Variants in CELF4 observed in about 807,000 individuals in gnomAD.
CELF4 encodes the protein CUG-BP- and ETR-3-like factor 4.
A neutral mutation model predicts 59.9 loss-of-function variants in CELF4; 18 were observed. That is an observed-to-expected ratio of 0.30 (90% confidence interval 0.21 to 0.45). CELF4 has a LOEUF of 0.45. CELF4 is among the 20% of genes least tolerant of loss of function. The pLI is 1.00. For missense variants in CELF4, 456 were observed against 689.0 expected (o/e 0.66, Z 3.79); for synonymous variants, 261 against 267.1 (o/e 0.98, Z 0.22).
At chr18:37,376,835 T>G (rs1045510438) in intron 2 of CELF4, among the ~76,000 whole-genome samples, 2 of 152,330 alleles carry the variant, frequency 1.3e-5, no homozygotes, top group Admixed American at 1.3e-4. Flanking sequence ...GTGGATGAAT[T>G]CTGCAATGTG....
At chr18:37,524,020 C>T (rs1037003908) in intron 1 of CELF4, among the ~76,000 whole-genome samples, 1 of 152,176 alleles carries the variant, frequency 6.6e-6, no homozygotes, top group Non-Finnish European at 1.5e-5. Flanking sequence ...GCCTGGGTGC[C>T]GTGGATATCC....
intron 2 of CELF4, among the ~76,000 whole-genome samples, chr18:37,450,638 C>T (rs574631856): frequency 5.3e-5 from 8 of 152,116 alleles, no homozygotes; most frequent in Non-Finnish European, 1.2e-4. Flanking sequence ...GAATGTTGCC[C>T]TCCCTATCTT....
intron 1 of CELF4, among the ~76,000 whole-genome samples, chr18:37,537,054 C>G (rs1016978382): frequency 6.6e-6 from 1 of 152,218 alleles, no homozygotes; most frequent in African/African-American, 2.4e-5. Context: ...CTGGCTTTCC[C>G]GACCCTTCTG....
At chr18:37,362,835 C>T (rs1243286266) in intron 2 of CELF4, among the ~76,000 whole-genome samples, 1 of 152,040 alleles carries the variant, frequency 6.6e-6, no homozygotes, top group Admixed American at 6.6e-5. Context: ...GACAAATCTG[C>T]TCTACACGTT....
chr18:37,275,103 C>T lies in CELF4; in HGVS notation c.577+12G>A. ...CCCTCCGGGGCATCCCTCCCGGCCC[C>T]GCCCCGCGCACCCTTGCTGTTGCCG... On this transcript the variant is annotated intron_variant, in intron 4 of 12. Transcript: ENST00000420428. The T allele has an allele frequency of 6.2e-7, 1 of 1,612,158 alleles. No individual in the cohort carries two copies. The highest frequency in any genetic ancestry group is 8.5e-7 in the Non-Finnish European group (1 of 1,179,354).
At chr18:37,374,704 T>C (rs2098945190) in intron 2 of CELF4, among the ~76,000 whole-genome samples, 1 of 152,152 alleles carries the variant, frequency 6.6e-6, no homozygotes, top group African/African-American at 2.4e-5. Flanking sequence ...TCGTGTCCCT[T>C]CTTGCCCGGT....
chr18:37,275,661 C>T (rs952270689), intron 3 of CELF4: 4 of 189,358 alleles, frequency 2.1e-5, no homozygotes, highest in African/African-American at 9.5e-5. Flanking sequence ...AAATGAATCA[C>T]AACTGGCGGG....
chr18:37,275,586 A>AAT, intron 3 of CELF4: 1 of 291,130 alleles, frequency 3.4e-6, no homozygotes, highest in Non-Finnish European at 6.6e-6. Context: ...ACCCCTCACT[A>AAT]GAGCACACGG....
chr18:37,470,866 GTGTGTGTGTGT>G (rs2099819310), intron 2 of CELF4, among the ~76,000 whole-genome samples: 1 of 124,978 alleles, frequency 8.0e-6, no homozygotes, highest in Non-Finnish European at 1.7e-5. Flanking sequence ...GTGTGTGTGT[GTGTGTGTGTGT>G]GTGTGTGTGT....
intron 2 of CELF4, among the ~76,000 whole-genome samples, chr18:37,373,504 C>A (rs1456806544): frequency 6.6e-6 from 1 of 152,210 alleles, no homozygotes; most frequent in African/African-American, 2.4e-5. Flanking sequence ...ATGCTAATGG[C>A]AATGGTGATG....
intron 2 of CELF4, among the ~76,000 whole-genome samples, chr18:37,343,823 A>G (rs554346): frequency 0.23 from 35,651 of 151,840 alleles, 4,325 homozygotes; most frequent in Middle Eastern, 0.34. Flanking sequence ...GACCCCATCC[A>G]GACTCCCCAC....
intron 10 of CELF4, among the ~76,000 whole-genome samples, chr18:37,263,002 T>C (rs1222422155): frequency 6.6e-6 from 1 of 152,158 alleles, no homozygotes; most frequent in Non-Finnish European, 1.5e-5. Context: ...AGAAGTTGCC[T>C]GCTGGGTGTG....
chr18:37,405,082 G>A (rs1345138043), intron 2 of CELF4, among the ~76,000 whole-genome samples: 2 of 152,088 alleles, frequency 1.3e-5, no homozygotes, highest in African/African-American at 2.4e-5. Flanking sequence ...GGGCCTGAAA[G>A]CAGGCCCCAA....
chr18:37,545,379 A>G (rs1290610833), intron 1 of CELF4, among the ~76,000 whole-genome samples: 2 of 152,188 alleles, frequency 1.3e-5, no homozygotes, highest in Non-Finnish European at 2.9e-5. Context: ...GGCTGGGGCC[A>G]GGCTTGGGGA....
intron 1 of CELF4, among the ~76,000 whole-genome samples, chr18:37,556,875 AG>A: frequency 6.6e-6 from 1 of 152,184 alleles, no homozygotes; most frequent in Non-Finnish European, 1.5e-5. Flanking sequence ...AATGACTCCA[AG>A]GGTTGCTTTC....
At chr18:37,340,442 C>T (rs1470715047) in intron 2 of CELF4, among the ~76,000 whole-genome samples, 1 of 152,210 alleles carries the variant, frequency 6.6e-6, no homozygotes, top group Non-Finnish European at 1.5e-5. Flanking sequence ...CCAAGGGGAG[C>T]CTGTAGGTTC....
intron 2 of CELF4, among the ~76,000 whole-genome samples, chr18:37,479,106 T>G (rs971530469): frequency 3.3e-5 from 5 of 152,166 alleles, no homozygotes; most frequent in African/African-American, 7.2e-5. Context: ...CAGACGTGGG[T>G]GCATGTGAAC....
intron 2 of CELF4, among the ~76,000 whole-genome samples, chr18:37,444,310 A>G (rs2099741687): frequency 6.6e-6 from 1 of 152,000 alleles, no homozygotes; most frequent in African/African-American, 2.4e-5. Context: ...ACTGCAGCTC[A>G]GGAGTCCAGA....
intron 1 of CELF4, among the ~76,000 whole-genome samples, chr18:37,548,073 G>T (rs191398138): frequency 6.6e-6 from 1 of 152,140 alleles, no homozygotes; most frequent in East Asian, 1.9e-4. Flanking sequence ...CTCTATGTAT[G>T]TGCGTATCTG....
Sources: allele counts gnomAD v4.1 joint callset (sites outside exome capture counted in the v4.1 genomes callset), GRCh38; gene constraint gnomAD v4.1.1; transcripts MANE v1.5; gene names NCBI Gene and HGNC (gene_info 2026-07-23, HGNC 2026-07-21).